The following PIGX variants were observed in gnomAD, a reference collection of about 807,000 sequenced individuals.
PIGX encodes the protein GPI alpha-1,4-mannosyltransferase I, stabilizing subunit.
PIGX carries 24 observed loss-of-function variants against 28.7 expected under a neutral mutation model. The ratio of observed to expected loss-of-function variants is 0.84; its 90% CI spans 0.60 to 1.17. PIGX has a LOEUF of 1.17. Among genes scored for constraint, PIGX ranks in the 50% most tolerant of loss-of-function variants. PIGX has a pLI of 0.00. For synonymous variants in PIGX, 127 were observed against 121.0 expected (o/e 1.05, Z -0.33); for missense variants, 305 against 317.8 (o/e 0.96, Z 0.31).
chr3:196,715,005 G>T (rs1385261854), intron 1 of PIGX, among the ~76,000 whole-genome samples: 1 of 152,162 alleles, frequency 6.6e-6, no homozygotes, highest in African/African-American at 2.4e-5. Context: ...GAACCTGGGA[G>T]GCAGAGGTTG....
At chr3:196,725,329 TA>T (rs1712479232) in intron 3 of PIGX, among the ~76,000 whole-genome samples, 1 of 152,022 alleles carries the variant, frequency 6.6e-6, no homozygotes, top group Non-Finnish European at 1.5e-5. Flanking sequence ...ATAGACAAAA[TA>T]TATGAAATAA....
rs759411392 is a variant in PIGX, at chr3:196,728,030, T to G, written c.426T>G (p.Phe142Leu). 4 of 1,614,166 alleles carry G rather than the reference T, an allele frequency of 2.5e-6. No homozygotes were observed. The South Asian group carries it at 4.4e-5, about 18-fold the overall frequency. The stretch of plus-strand genomic sequence containing the variant: ...GAGATTCACAGTGCATTGACTGTTT[T>G]CAAGCCTTTTTGCCTGTGCACTGCC... Residue 142 changes from phenylalanine (F) to leucine (L), a missense_variant, in exon 4 of 6, where the codon TTT becomes TTG. Phe to Leu is a conservative substitution (Grantham distance 22). Coordinates refer to ENST00000392391, the MANE Select transcript of PIGX (RefSeq NM_017861.4).
intron 5 of PIGX, among the ~76,000 whole-genome samples, chr3:196,732,156 A>G (rs1386889077): frequency 6.9e-6 from 1 of 145,468 alleles, no homozygotes; most frequent in Non-Finnish European, 1.5e-5. Context: ...GTAACTTGCC[A>G]TAAGAGGTCA....
intron 5 of PIGX, among the ~76,000 whole-genome samples, chr3:196,732,259 TTATTTTATTTTA>T (rs1560080754): frequency 1.9e-4 from 8 of 41,714 alleles, no homozygotes; most frequent in African/African-American, 7.7e-4. Context: ...TATATATATT[TTATTTTATTTTA>T]TTTTTTTTTT....
chr3:196,720,541 A>G (rs961148938), intron 2 of PIGX, among the ~76,000 whole-genome samples: 21 of 152,318 alleles, frequency 1.4e-4, no homozygotes, highest in African/African-American at 5.1e-4. Context: ...CCTGCTTCAT[A>G]TTCCCAGAAG....
chr3:196,732,256 ATTTTATTTTATTT>A (rs1337234643), intron 5 of PIGX, among the ~76,000 whole-genome samples: 3 of 23,248 alleles, frequency 1.3e-4, no homozygotes, highest in African/African-American at 4.7e-4. Flanking sequence ...ATATATATAT[ATTTTATTTTATTT>A]TATTTTTTTT....
chr3:196,728,353 A>G (rs1158689717), intron 4 of PIGX: 1 of 590,344 alleles, frequency 1.7e-6, no homozygotes, highest in Non-Finnish European at 3.0e-6. Flanking sequence ...AAAAAGAAAC[A>G]TGCATCTGCC....
rs1711863865 is a variant in PIGX at position 196,712,576 on chromosome 3, T to A, written c.44T>A (p.Leu15His). Residue 15 changes from leucine to histidine, a missense_variant, in exon 1 of 6, where the codon CTC (leucine) becomes CAC (histidine). Physicochemically the swap from Leu to His is moderately conservative, Grantham distance 99. Transcript: ENST00000392391. ...GCGGTTCGGGCGGCCGCCTGGCTGC[T>A]CCTCGGGGCGGCGACCGGGCTCACG... The A allele has an allele frequency of 4.2e-6, 5 of 1,189,374 alleles. No homozygotes were observed. Among genetic ancestry groups the A allele is most frequent in the Non-Finnish European group, 4.2e-6 (4 of 960,704 alleles). 73.7% of individuals were successfully genotyped at this position (1,189,374 alleles called of 1,614,324 possible). A position where few individuals can be genotyped will look rare whatever the true frequency, so the allele number is the denominator to read the frequency against.
intron 2 of PIGX, among the ~76,000 whole-genome samples, 174 bp from the exon 3 acceptor site, chr3:196,722,241 T>C (rs1235601725): frequency 6.6e-6 from 1 of 152,270 alleles, no homozygotes; most frequent in African/African-American, 2.4e-5. Flanking sequence ...ACATGAATTA[T>C]GAAAGATCTA....
chr3:196,731,419 C>G (rs1218823925), intron 5 of PIGX, among the ~76,000 whole-genome samples: 3 of 152,186 alleles, frequency 2.0e-5, no homozygotes, highest in African/African-American at 7.2e-5. Context: ...TTTAGGTGAT[C>G]CGCCTATCTT....
intron 3 of PIGX, among the ~76,000 whole-genome samples, chr3:196,727,433 T>C (rs1031046390): frequency 6.6e-6 from 1 of 152,200 alleles, no homozygotes; most frequent in Admixed American, 6.5e-5. Flanking sequence ...GAAAGAGTGC[T>C]GACCTTTGCT....
intron 1 of PIGX, among the ~76,000 whole-genome samples, chr3:196,714,897 G>A (rs1712027622): frequency 6.6e-6 from 1 of 152,130 alleles, no homozygotes; most frequent in Admixed American, 6.5e-5. Flanking sequence ...CCAACGTGGT[G>A]AAACTCCATC....
chr3:196,714,568 T>C (rs1712008917), intron 1 of PIGX, among the ~76,000 whole-genome samples: 1 of 151,896 alleles, frequency 6.6e-6, no homozygotes. Context: ...TTCAAGCGAT[T>C]CTCCTGCCTC....
chr3:196,732,243 TATATATATATATATTTTATTTTA>T (rs1450924434), intron 5 of PIGX, among the ~76,000 whole-genome samples: 38 of 51,866 alleles, frequency 7.3e-4, no homozygotes, highest in South Asian at 2.0e-3. Flanking sequence ...TATATATATA[TATATATATATATATTTTATTTTA>T]TTTTATTTTT....
chr3:196,715,887 T>A (rs1410739276), intron 1 of PIGX, among the ~76,000 whole-genome samples: 2 of 152,224 alleles, frequency 1.3e-5, no homozygotes, highest in African/African-American at 4.8e-5. Flanking sequence ...GTGTGTTTTT[T>A]AAATGTTCTT....
intron 2 of PIGX, among the ~76,000 whole-genome samples, chr3:196,718,309 G>A (rs1424185497): frequency 5.3e-5 from 8 of 151,118 alleles, no homozygotes; most frequent in Admixed American, 4.6e-4. Flanking sequence ...GCAAAACTCC[G>A]TCTGAAGAAA....
intron 3 of PIGX, among the ~76,000 whole-genome samples, chr3:196,723,575 GA>G (rs1472627109): frequency 4.0e-5 from 6 of 151,040 alleles, no homozygotes; most frequent in African/African-American, 1.5e-4. Flanking sequence ...AGTAGGCCTA[GA>G]TTGGGCCCCA....
rs1055930025 is a variant in PIGX at position 196,712,438 on chromosome 3, G to A, written c.-95G>A. The A allele has an allele frequency of 4.7e-5, 24 of 506,708 alleles. No homozygotes were observed. The highest frequency in any genetic ancestry group is 1.0e-4 in the Admixed American group (2 of 19,136). 31.4% of individuals were successfully genotyped at this position (506,708 alleles called of 1,614,324 possible). A position where few individuals can be genotyped will look rare whatever the true frequency, so the allele number is the denominator to read the frequency against. On this transcript the variant is annotated 5_prime_UTR_variant, in exon 1 of 6. Transcript: ENST00000392391. The stretch of plus-strand genomic sequence containing the variant: ...CACTCGGTCCCAGCCGATAAATCTG[G>A]GGCAGCGCGCGGTAGGAGCTGCGGG...
intron 2 of PIGX, among the ~76,000 whole-genome samples, chr3:196,719,832 C>A (rs1379737987): frequency 6.6e-6 from 1 of 151,608 alleles, no homozygotes; most frequent in Non-Finnish European, 1.5e-5. Context: ...CGCTCTGTTG[C>A]CAGGCTGGAG....
Sources: gnomAD v4.1 joint callset for allele counts (sites outside exome capture counted in the v4.1 genomes callset) on GRCh38, gnomAD v4.1.1 for gene constraint, MANE v1.5 for transcripts, NCBI Gene and HGNC (gene_info 2026-07-23, HGNC 2026-07-21) for gene names.